Variants in KAZN observed in about 807,000 individuals in gnomAD.
The protein encoded by KAZN is kazrin, periplakin interacting protein, also known as kazrin.
Under a neutral mutation model 87.4 loss-of-function variants are expected in KAZN, and 40 were observed. That is an observed-to-expected ratio of 0.46 (90% CI 0.36 to 0.60). The LOEUF is 0.60. Ranked by LOEUF, KAZN falls within the 20% of genes least tolerant of loss-of-function variation. The probability of loss-of-function intolerance (pLI) is 0.00; values close to 1 mark genes in which losing one functional copy is unlikely to be tolerated. For missense variants in KAZN, 898 were observed against 1,073.9 expected (o/e 0.84, Z 2.29); for synonymous variants, 466 against 458.3 (o/e 1.02, Z -0.22).
At chr1:14,176,414 A>C (rs920870251) in intron 1 of KAZN, among the ~76,000 whole-genome samples, 14 of 152,112 alleles carry the variant, frequency 9.2e-5, no homozygotes, top group Non-Finnish European at 1.6e-4. Context: ...CACCATTTCC[A>C]CCCCAATATC....
At chr1:14,108,378 G>C (rs1211555598) in intron 1 of KAZN, among the ~76,000 whole-genome samples, 3 of 152,090 alleles carry the variant, frequency 2.0e-5, no homozygotes, top group African/African-American at 7.2e-5. Flanking sequence ...GCTCCTTGAA[G>C]GATGGGGCTG....
chr1:14,980,359 A>ATCTG (rs1275293746), intron 2 of KAZN, among the ~76,000 whole-genome samples: 2 of 152,116 alleles, frequency 1.3e-5, no homozygotes, highest in African/African-American at 4.8e-5. Context: ...GACAGACAGG[A>ATCTG]TCTGTAGCCT....
chr1:14,419,737 T>C (rs756964734), intron 2 of KAZN, among the ~76,000 whole-genome samples: 4 of 151,988 alleles, frequency 2.6e-5, no homozygotes, highest in Non-Finnish European at 5.9e-5. Flanking sequence ...GCGGTGAGCG[T>C]TAGGACTCTT....
At chr1:14,781,407 G>A (rs1415706852) in intron 1 of KAZN, among the ~76,000 whole-genome samples, 1 of 152,216 alleles carries the variant, frequency 6.6e-6, no homozygotes. Flanking sequence ...TGTCCTTTCA[G>A]GTGCCAGATT....
At chr1:14,082,977 T>C (rs12738499) in intron 1 of KAZN, among the ~76,000 whole-genome samples, 15,131 of 152,242 alleles carry the variant, frequency 0.099, 924 homozygotes, top group East Asian at 0.13. Flanking sequence ...GGGTGGATCA[T>C]GAGGTCAGAT....
chr1:14,894,889 C>T (rs1655097744), intron 1 of KAZN, among the ~76,000 whole-genome samples: 1 of 152,252 alleles, frequency 6.6e-6, no homozygotes. Flanking sequence ...CCTCCCTGCT[C>T]CAGGGAGGTA....
intron 1 of KAZN, among the ~76,000 whole-genome samples, chr1:14,722,163 G>A (rs6673796): frequency 0.57 from 47,648 of 84,234 alleles, 10,379 homozygotes; most frequent in African/African-American, 0.71. Context: ...AAAAAAAAAA[G>A]AATAAAAAAT....
At chr1:13,923,220 T>C (rs1640129486) in intron 1 of KAZN, among the ~76,000 whole-genome samples, 1 of 152,228 alleles carries the variant, frequency 6.6e-6, no homozygotes, top group Non-Finnish European at 1.5e-5. Flanking sequence ...TATTATGTAC[T>C]ATATCCTGAC....
chr1:14,165,973 G>A (rs550795446), intron 1 of KAZN, among the ~76,000 whole-genome samples: 6 of 152,202 alleles, frequency 3.9e-5, no homozygotes, highest in Admixed American at 2.6e-4. Context: ...ACAAAGAGCC[G>A]GCAGCAGTAC....
At chr1:14,128,916 A>T (rs910132596) in intron 1 of KAZN, among the ~76,000 whole-genome samples, 1 of 152,168 alleles carries the variant, frequency 6.6e-6, no homozygotes. Context: ...CGGTGCTAGA[A>T]GTACAATTTT....
At chr1:14,506,124 T>A (rs1287852524) in intron 2 of KAZN, among the ~76,000 whole-genome samples, 1 of 152,170 alleles carries the variant, frequency 6.6e-6, no homozygotes, top group Non-Finnish European at 1.5e-5. Flanking sequence ...AAAAGTGACC[T>A]AGAGGGTGAG....
intron 1 of KAZN, among the ~76,000 whole-genome samples, chr1:14,627,288 T>C (rs1679214165): frequency 6.6e-6 from 1 of 151,952 alleles, no homozygotes; most frequent in Non-Finnish European, 1.5e-5. Context: ...CAGAGGCCCA[T>C]GAGGCTGCAG....
intron 1 of KAZN, among the ~76,000 whole-genome samples, chr1:14,063,637 T>C (rs987406774): frequency 2.6e-5 from 4 of 152,128 alleles, no homozygotes; most frequent in African/African-American, 7.2e-5. Context: ...CGGTGGGACT[T>C]ATATAGAGGT....
At chr1:15,015,897 G>A (rs940364103) in intron 2 of KAZN, among the ~76,000 whole-genome samples, 11 of 152,146 alleles carry the variant, frequency 7.2e-5, no homozygotes, top group Admixed American at 5.9e-4. Flanking sequence ...TCCAGTCTCC[G>A]CAAGGCAGAC....
intron 2 of KAZN, among the ~76,000 whole-genome samples, chr1:14,221,193 A>G (rs1231421653): frequency 2.0e-5 from 3 of 152,076 alleles, no homozygotes; most frequent in African/African-American, 4.8e-5. Flanking sequence ...CTTAGTTACC[A>G]TCCCTTTGTG....
In KAZN at chr1:15,104,056, C is replaced by T; in HGVS notation, c.1915C>T (p.His639Tyr). 1 of 1,613,774 alleles carries T rather than the reference C, an allele frequency of 6.2e-7. No individual in the cohort carries two copies. Reference sequence around the variant, plus strand: ...AGACAACCTGACCAACAGCGGCGTCCATGGTGCTGTGCTGGTGCTGGAGCC... The same window carrying T: ...AGACAACCTGACCAACAGCGGCGTCTATGGTGCTGTGCTGGTGCTGGAGCC... ...YADNLTNSGV[H>Y]GAVLVLEPTF... is the part of the protein sequence containing the mutation. The change falls in exon 13 of 15, where the codon CAT becomes TAT. Residue 639 changes from histidine (H) to tyrosine (Y), a missense_variant. Coordinates refer to ENST00000376030, the MANE Select transcript of KAZN (RefSeq NM_201628.3).
chr1:13,925,549 G>A (rs1640239567), intron 1 of KAZN, among the ~76,000 whole-genome samples: 1 of 152,174 alleles, frequency 6.6e-6, no homozygotes, highest in Admixed American at 6.6e-5. Context: ...ATTAAGGAAT[G>A]TCCCGGTAGG....
chr1:14,106,426 G>T (rs1010412006), intron 1 of KAZN, among the ~76,000 whole-genome samples: 2 of 152,142 alleles, frequency 1.3e-5, no homozygotes, highest in Non-Finnish European at 2.9e-5. Context: ...TATTCCCTGT[G>T]GAACAACCCA....
intron 2 of KAZN, among the ~76,000 whole-genome samples, chr1:14,544,319 G>C (rs972668330): frequency 1.5e-5 from 2 of 137,000 alleles, no homozygotes; most frequent in African/African-American, 5.3e-5. Context: ...TGAGATTTGG[G>C]GTTTTTTTTT....
Sources: allele counts gnomAD v4.1 joint callset (sites outside exome capture counted in the v4.1 genomes callset), GRCh38; gene constraint gnomAD v4.1.1; transcripts MANE v1.5; gene names NCBI Gene and HGNC (gene_info 2026-07-23, HGNC 2026-07-21).